The following JAKMIP2 variants were observed in gnomAD, a reference collection of about 807,000 sequenced individuals.
JAKMIP2 encodes janus kinase and microtubule interacting protein 2.
A neutral mutation model predicts 115.0 loss-of-function variants in JAKMIP2; 25 were observed. That is an observed-to-expected ratio of 0.22 (90% CI 0.16 to 0.30). The LOEUF is 0.30. Ranked by LOEUF, JAKMIP2 falls within the 10% of genes least tolerant of loss-of-function variation. The pLI is 1.00. For missense variants in JAKMIP2, 642 were observed against 957.6 expected (o/e 0.67, Z 4.35); for synonymous variants, 334 against 343.6 (o/e 0.97, Z 0.31).
chr5:147,678,756 T>C (rs907981424), intron 1 of JAKMIP2, among the ~76,000 whole-genome samples: 2 of 152,124 alleles, frequency 1.3e-5, no homozygotes, highest in African/African-American at 2.4e-5. Flanking sequence ...TCACATTGCA[T>C]GCCTGTATCA....
At chr5:147,773,734 G>A (rs1047372644) in intron 1 of JAKMIP2, among the ~76,000 whole-genome samples, 1 of 152,148 alleles carries the variant, frequency 6.6e-6, no homozygotes, top group African/African-American at 2.4e-5. Context: ...TCTTAAACCT[G>A]TAGAGAGCAA....
Position 147,702,001 on chromosome 5 carries a change from T to C in JAKMIP2, c.-148-30047A>G, listed in dbSNP as rs1580803956. Among the ~76,000 whole-genome samples, 4 of 152,308 alleles carry C rather than the reference T, an allele frequency of 2.6e-5. No individual in the cohort carries two copies. The South Asian group carries it at 8.3e-4, about 32-fold the overall frequency. On this transcript the variant is annotated intron_variant, in intron 1 of 21. Coordinates refer to ENST00000616793, the MANE Select transcript of JAKMIP2 (RefSeq NM_001270941.2). ...GCCTTTGGGGAAACATCCCTTCTCA[T>C]TCTGAGTCCATATGATTTTAGTAGA...
intron 5 of JAKMIP2, 48 bp from the exon 6 acceptor site, chr5:147,645,044 G>A (rs1758066057): frequency 6.3e-7 from 1 of 1,594,756 alleles, no homozygotes; most frequent in Non-Finnish European, 8.5e-7. Flanking sequence ...GGGGGACGTG[G>A]GGGCAGGGGA....
intron 1 of JAKMIP2, among the ~76,000 whole-genome samples, chr5:147,708,057 C>T (rs955457469): frequency 1.3e-5 from 2 of 152,164 alleles, no homozygotes; most frequent in Non-Finnish European, 2.9e-5. Flanking sequence ...AAAAGATATC[C>T]TTAGGAGACA....
chr5:147,753,753 A>G (rs1346332848), intron 1 of JAKMIP2, among the ~76,000 whole-genome samples: 1 of 152,012 alleles, frequency 6.6e-6, no homozygotes, highest in Non-Finnish European at 1.5e-5. Context: ...TCTACCCCTT[A>G]GTAAATATTA....
intron 1 of JAKMIP2, among the ~76,000 whole-genome samples, chr5:147,690,769 C>T (rs1360380944): frequency 6.6e-6 from 1 of 151,902 alleles, no homozygotes. Flanking sequence ...GCTCCTTCTC[C>T]AGTGCTTCGT....
intron 16 of JAKMIP2, among the ~76,000 whole-genome samples, chr5:147,627,369 A>C (rs973530781): frequency 2.6e-5 from 4 of 152,054 alleles, no homozygotes; most frequent in Admixed American, 1.3e-4. Flanking sequence ...TAAAAAGATC[A>C]GTGTAAAGGA....
rs529034299 is a variant in JAKMIP2, at chr5:147,767,758, C to T, written c.-149+14698G>A. 1.6e-4 allele frequency among the ~76,000 whole-genome samples: 24 copies of T among 152,130 alleles called. No homozygotes were observed. The South Asian group carries it at 4.1e-3, about 26-fold the overall frequency. On this transcript the variant is annotated intron_variant, in intron 1 of 21. Coordinates refer to ENST00000616793, the MANE Select transcript of JAKMIP2 (RefSeq NM_001270941.2). The stretch of plus-strand genomic sequence containing the variant: ...CCTCATTAGATTCACATGCAAGAAA[C>T]GGTTCAAATTGGAAAAAAATCTTTA...
chr5:147,733,663 G>A (rs1248481567), intron 1 of JAKMIP2, among the ~76,000 whole-genome samples: 2 of 152,080 alleles, frequency 1.3e-5, no homozygotes, highest in East Asian at 1.9e-4. Context: ...CCCTCCCTGT[G>A]TCCATGTGTT....
intron 1 of JAKMIP2, among the ~76,000 whole-genome samples, chr5:147,701,267 G>A (rs1048849121): frequency 3.9e-5 from 6 of 152,150 alleles, no homozygotes; most frequent in Non-Finnish European, 2.9e-5. Flanking sequence ...GTTTGTGGTT[G>A]ATTAGTGGAG....
rs1212735856 is a variant in JAKMIP2, at chr5:147,671,771, G to A, written c.36C>T (p.Pro12=). 2.5e-6 allele frequency: 4 copies of A among 1,590,944 alleles called. No individual in the cohort carries two copies. The highest frequency in any genetic ancestry group is 3.4e-6 in the Non-Finnish European group (4 of 1,168,042). Reference sequence around the variant, plus strand: ...CTTGAAGGGCAACAATGAGTGCCTCGGGCTTCTCGCCCTTATTTCGCCCTT... The same window carrying A: ...CTTGAAGGGCAACAATGAGTGCCTCAGGCTTCTCGCCCTTATTTCGCCCTT... The part of the protein sequence containing the change: ...SKKGRNKGEK[P]EALIVALQAA... The change falls in exon 2 of 22, where the codon CCC becomes CCT. Residue 12 remains proline, a synonymous_variant. Coordinates refer to ENST00000616793, the MANE Select transcript of JAKMIP2 (RefSeq NM_001270941.2).
intron 2 of JAKMIP2, among the ~76,000 whole-genome samples, chr5:147,664,207 T>C (rs1019721462): frequency 6.6e-6 from 1 of 152,076 alleles, no homozygotes; most frequent in Non-Finnish European, 1.5e-5. Flanking sequence ...TGCTCTGGAG[T>C]TCTTAAAGGT....
In JAKMIP2 at chr5:147,640,905, C is replaced by T. The variant is rs1377507596; in HGVS notation, c.1282-82G>A. On this transcript the variant is annotated intron_variant, in intron 8 of 21. Coordinates refer to ENST00000616793, the MANE Select transcript of JAKMIP2 (RefSeq NM_001270941.2). ...CGTTAAAATACTGTCAACTGGCATACGTGTAAGTGAATATAGAAGACATGG... is the reference window on the plus strand; with the variant it reads ...CGTTAAAATACTGTCAACTGGCATATGTGTAAGTGAATATAGAAGACATGG... 55 of 1,246,298 alleles carry T rather than the reference C, an allele frequency of 4.4e-5. 1 individual carries two copies. The South Asian group carries it at 6.2e-4, about 14-fold the overall frequency. The allele number at this position is 1,246,298 out of a possible 1,614,324, so 77.2% of individuals were successfully genotyped here. A position where few individuals can be genotyped will look rare whatever the true frequency, so the allele number is the denominator to read the frequency against.
At chr5:147,768,445 T>G (rs1225946063) in intron 1 of JAKMIP2, among the ~76,000 whole-genome samples, 1 of 152,184 alleles carries the variant, frequency 6.6e-6, no homozygotes, top group Non-Finnish European at 1.5e-5. Flanking sequence ...CTTTTTGCAT[T>G]CAGCTTAAAA....
At chr5:147,725,691 C>G (rs950073542) in intron 1 of JAKMIP2, among the ~76,000 whole-genome samples, 5 of 152,098 alleles carry the variant, frequency 3.3e-5, no homozygotes, top group Non-Finnish European at 7.4e-5. Flanking sequence ...GATGCTTGAC[C>G]AAACTTGGGT....
chr5:147,649,821 G>A lies in JAKMIP2; in HGVS notation c.837+517C>T, dbSNP rs764589877. On this transcript the variant is annotated intron_variant, in intron 4 of 21. Coordinates refer to ENST00000616793, the MANE Select transcript of JAKMIP2 (RefSeq NM_001270941.2). ...CTGCATATAAGCCCATTTCTATTGC[G>A]CACTTCCGAAAATAATTTCTCATAT... 1.0e-3 allele frequency among the ~76,000 whole-genome samples: 156 copies of A among 152,122 alleles called. 1 individual carries two copies. The highest frequency in any genetic ancestry group is 1.5e-3 in the Non-Finnish European group (99 of 68,008).
At chr5:147,679,429 A>G (rs1227389604) in intron 1 of JAKMIP2, among the ~76,000 whole-genome samples, 4 of 152,196 alleles carry the variant, frequency 2.6e-5, no homozygotes, top group Non-Finnish European at 5.9e-5. Context: ...TACCATTCCT[A>G]CCTTTAGGTG....
chr5:147,636,383 G>A, intron 11 of JAKMIP2, 99 bp from the exon 12 acceptor site: 1 of 922,952 alleles, frequency 1.1e-6, no homozygotes, highest in South Asian at 1.5e-5. Flanking sequence ...TCCCCACCCT[G>A]TTTGTTTGCC....
chr5:147,721,812 C>T (rs1440567090), intron 1 of JAKMIP2, among the ~76,000 whole-genome samples: 1 of 152,120 alleles, frequency 6.6e-6, no homozygotes, highest in Non-Finnish European at 1.5e-5. Context: ...CCGTCTTCTG[C>T]GTCGCTCATG....
Sources: gnomAD v4.1 joint callset for allele counts (sites outside exome capture counted in the v4.1 genomes callset) on GRCh38, gnomAD v4.1.1 for gene constraint, MANE v1.5 for transcripts, NCBI Gene and HGNC (gene_info 2026-07-23, HGNC 2026-07-21) for gene names.